Variants in ROBO2 observed in about 807,000 individuals in gnomAD.
ROBO2 encodes roundabout guidance receptor 2.
Under a neutral mutation model 160.8 loss-of-function variants are expected in ROBO2, and 53 were observed. The ratio of observed to expected loss-of-function variants is 0.33; its 90% CI spans 0.26 to 0.41. ROBO2 has a LOEUF of 0.41. Among genes scored for constraint, ROBO2 ranks in the 10% least tolerant of loss-of-function variants. ROBO2 has a pLI of 1.00. For missense variants in ROBO2, 1,577 were observed against 1,722.4 expected (o/e 0.92, Z 1.49); for synonymous variants, 664 against 611.7 (o/e 1.09, Z -1.26).
At chr3:77,355,873 T>C (rs2153462564) in intron 2 of ROBO2, among the ~76,000 whole-genome samples, 1 of 151,284 alleles carries the variant, frequency 6.6e-6, no homozygotes, top group East Asian at 2.0e-4. Flanking sequence ...AACCAAGTAT[T>C]GATGTACACA....
chr3:77,068,367 C>T (rs779205981), intron 1 of ROBO2, among the ~76,000 whole-genome samples: 7 of 152,104 alleles, frequency 4.6e-5, no homozygotes, highest in Non-Finnish European at 1.0e-4. Context: ...CATGATTTCT[C>T]AAGGGAAGTG....
At chr3:77,432,552 CT>C (rs1177306720) in intron 2 of ROBO2, among the ~76,000 whole-genome samples, 1 of 152,090 alleles carries the variant, frequency 6.6e-6, no homozygotes, top group Non-Finnish European at 1.5e-5. Context: ...GGTTCACCCC[CT>C]GATTTAATAA....
intron 2 of ROBO2, among the ~76,000 whole-genome samples, chr3:76,548,783 A>T (rs114602326): frequency 1.3e-5 from 2 of 151,984 alleles, no homozygotes; most frequent in South Asian, 4.1e-4. Context: ...TGAAAGAGGG[A>T]CGCTAATGAC....
At chr3:77,060,209 G>A (rs1220970522) in intron 1 of ROBO2, among the ~76,000 whole-genome samples, 1 of 152,160 alleles carries the variant, frequency 6.6e-6, no homozygotes, top group East Asian at 1.9e-4. Context: ...AACTCCTGGA[G>A]TCATGCACAG....
chr3:76,397,545 A>C (rs1304421794), intron 2 of ROBO2, among the ~76,000 whole-genome samples: 2 of 151,244 alleles, frequency 1.3e-5, no homozygotes, highest in Non-Finnish European at 3.0e-5. Flanking sequence ...GCAACCTACA[A>C]AATGGGAGAA....
At chr3:76,274,027 G>C (rs1379189511) in intron 2 of ROBO2, among the ~76,000 whole-genome samples, 2 of 152,154 alleles carry the variant, frequency 1.3e-5, no homozygotes, top group Non-Finnish European at 2.9e-5. Flanking sequence ...CTCCCATGTA[G>C]AGGTACCAAT....
rs147695431 is a variant in ROBO2, at chr3:76,953,139, A to G, written c.110-144875A>G. On this transcript the variant is annotated intron_variant, in intron 2 of 26. Coordinates refer to the ROBO2 transcript ENST00000487694. The stretch of plus-strand genomic sequence containing the variant: ...ATCTCTTCATCTTTGAAAAAAAGCC[A>G]TCTTACTAGCTTGAGAAGGTTGACT... Among the ~76,000 whole-genome samples the G allele has an allele frequency of 3.3e-5, 5 of 152,326 alleles. No homozygotes were observed. In the East Asian group the frequency reaches 9.7e-4, roughly 29 times the overall value.
At chr3:76,719,033 A>G (rs1411045109) in intron 2 of ROBO2, among the ~76,000 whole-genome samples, 1 of 152,122 alleles carries the variant, frequency 6.6e-6, no homozygotes, top group Non-Finnish European at 1.5e-5. Context: ...TTTTTTTTAA[A>G]TAAAATCACT....
At chr3:77,556,381 A>G (rs115296943) in intron 8 of ROBO2, among the ~76,000 whole-genome samples, 4,052 of 151,986 alleles carry the variant, frequency 0.027, 71 homozygotes, top group South Asian at 0.042. Context: ...TGTGAATGAT[A>G]AACAGTTTTT....
chr3:77,029,471 C>T (rs961966706), intron 2 of ROBO2, among the ~76,000 whole-genome samples: 16 of 152,128 alleles, frequency 1.1e-4, no homozygotes, highest in Non-Finnish European at 1.8e-4. Flanking sequence ...TCTAAGATGA[C>T]GTTAAATAAA....
chr3:77,481,175 T>C, exon 4 of ROBO2: 2 of 1,607,464 alleles, frequency 1.2e-6, no homozygotes, highest in South Asian at 2.2e-5. Context: ...GGTACCAATA[T>C]GGTGGGAGAA....
chr3:76,535,974 G>C (rs1164409317), intron 2 of ROBO2, among the ~76,000 whole-genome samples: 1 of 152,172 alleles, frequency 6.6e-6, no homozygotes, highest in African/African-American at 2.4e-5. Context: ...TGGAGCTCCA[G>C]GGGCCCTAGA....
intron 2 of ROBO2, among the ~76,000 whole-genome samples, chr3:76,129,234 C>G (rs1000963813): frequency 6.6e-6 from 1 of 151,922 alleles, no homozygotes; most frequent in Non-Finnish European, 1.5e-5. Context: ...TTTAGTGTTA[C>G]GGCACTAAAG....
intron 2 of ROBO2, among the ~76,000 whole-genome samples, chr3:75,956,367 G>C (rs961676085): frequency 6.6e-6 from 1 of 151,602 alleles, no homozygotes; most frequent in Non-Finnish European, 1.5e-5. Flanking sequence ...AAATTCACAA[G>C]ACCTGCTCTC....
intron 2 of ROBO2, among the ~76,000 whole-genome samples, chr3:77,396,473 G>C (rs1380417163): frequency 6.6e-6 from 1 of 152,068 alleles, no homozygotes; most frequent in African/African-American, 2.4e-5. Context: ...AACTTAAGCT[G>C]TCGTACTCTT....
intron 2 of ROBO2, among the ~76,000 whole-genome samples, chr3:77,025,798 T>C (rs909528930): frequency 2.0e-5 from 3 of 152,158 alleles, no homozygotes; most frequent in East Asian, 3.9e-4. Flanking sequence ...ACTACATCAT[T>C]CCTTGAGAGG....
intron 2 of ROBO2, among the ~76,000 whole-genome samples, chr3:76,117,561 G>T (rs961830851): frequency 2.0e-5 from 3 of 152,060 alleles, no homozygotes; most frequent in Non-Finnish European, 2.9e-5. Context: ...ACAAGCACTT[G>T]GTTCCAATAT....
At chr3:76,240,316 T>C (rs1705210796) in intron 2 of ROBO2, among the ~76,000 whole-genome samples, 1 of 151,824 alleles carries the variant, frequency 6.6e-6, no homozygotes, top group Admixed American at 6.6e-5. Flanking sequence ...GTGTGTGATG[T>C]TCCCTCCCTG....
At chr3:76,512,308 T>TTA (rs200138101) in intron 2 of ROBO2, among the ~76,000 whole-genome samples, 9,119 of 120,576 alleles carry the variant, frequency 0.076, 881 homozygotes, top group African/African-American at 0.23. Flanking sequence ...TTGCAGAAAT[T>TTA]TATATATATA....
Sources: gnomAD v4.1 joint callset for allele counts (sites outside exome capture counted in the v4.1 genomes callset) on GRCh38, gnomAD v4.1.1 for gene constraint, MANE v1.5 for transcripts, NCBI Gene and HGNC (gene_info 2026-07-23, HGNC 2026-07-21) for gene names.